The following FAM222B variants were observed in gnomAD, a reference collection of about 807,000 sequenced individuals.
FAM222B encodes the protein family with sequence similarity 222 member B.
In FAM222B, 12 loss-of-function variants were observed where a neutral mutation model predicts 38.0. That is an observed-to-expected ratio of 0.32 (90% CI 0.20 to 0.51). The LOEUF is 0.51. Ranked by LOEUF, FAM222B falls within the 20% of genes least tolerant of loss-of-function variation. The pLI is 0.97. For synonymous variants in FAM222B, 329 were observed against 317.2 expected (o/e 1.04, Z -0.40); for missense variants, 716 against 754.2 (o/e 0.95, Z 0.59).
intron 1 of FAM222B, among the ~76,000 whole-genome samples, chr17:28,783,863 A>G (rs540655097): frequency 5.0e-4 from 76 of 151,906 alleles, no homozygotes; most frequent in African/African-American, 1.6e-3. Flanking sequence ...CAGTGGCACA[A>G]TCTCGGCTCA....
intron 1 of FAM222B, among the ~76,000 whole-genome samples, chr17:28,784,921 T>C (rs1394064752): frequency 6.6e-6 from 1 of 152,052 alleles, no homozygotes; most frequent in African/African-American, 2.4e-5. Flanking sequence ...CAGCTATTTT[T>C]TTTTTTTTCC....
At chr17:28,796,477 T>A (rs2036943191) in intron 1 of FAM222B, among the ~76,000 whole-genome samples, 1 of 151,966 alleles carries the variant, frequency 6.6e-6, no homozygotes. Context: ...AGGCTGAGAG[T>A]TACTGAGAAT....
chr17:28,761,664 A>C (rs2035077661), intron 2 of FAM222B, among the ~76,000 whole-genome samples: 2 of 152,168 alleles, frequency 1.3e-5, no homozygotes, highest in African/African-American at 2.4e-5. Flanking sequence ...GCAGGAAAAG[A>C]AAGCTCAAGT....
chr17:28,821,103 G>A (rs1171066743), intron 1 of FAM222B, among the ~76,000 whole-genome samples: 5 of 151,280 alleles, frequency 3.3e-5, no homozygotes, highest in African/African-American at 9.7e-5. Flanking sequence ...CTACAGGCAC[G>A]CGCCACCACA....
intron 1 of FAM222B, among the ~76,000 whole-genome samples, chr17:28,831,942 C>A (rs2038682096): frequency 6.6e-6 from 1 of 152,178 alleles, no homozygotes. Flanking sequence ...GTAATCCCAG[C>A]ACTTTGGGAG....
In FAM222B at chr17:28,757,680, G is replaced by C. The variant is rs1470047587; in HGVS notation, c.*590C>G. 6.6e-6 allele frequency: 1 copy of C among 152,186 alleles called. No individual in the cohort carries two copies. Among genetic ancestry groups the C allele is most frequent in the Non-Finnish European group, 1.5e-5 (1 of 68,056 alleles). 9.4% of individuals were successfully genotyped at this position (152,186 alleles called of 1,614,324 possible). ...GCCCTTGAGATCAAGTGTGGCAAGG[G>C]CAAGTGCAGTGGCTGTGGGATCAAT... On this transcript the variant is annotated 3_prime_UTR_variant, in exon 3 of 3. Transcript: ENST00000581407.
At chr17:28,826,798 A>G (rs183036341) in intron 1 of FAM222B, among the ~76,000 whole-genome samples, 69 of 152,130 alleles carry the variant, frequency 4.5e-4, no homozygotes, top group African/African-American at 1.5e-3. Context: ...TGCTGAAAAC[A>G]TAGTAGAAAC....
intron 1 of FAM222B, among the ~76,000 whole-genome samples, chr17:28,769,576 C>T (rs570679304): frequency 5.3e-5 from 8 of 152,336 alleles, no homozygotes; most frequent in South Asian, 4.1e-4. Context: ...GGATTACAGA[C>T]GTGAGCCACC....
At chr17:28,845,422 C>CA (rs1311538865), upstream of FAM222B, among the ~76,000 whole-genome samples, 7 of 132,198 alleles carry the variant, frequency 5.3e-5, no homozygotes, top group East Asian at 4.5e-4. Flanking sequence ...TACAAAAATA[C>CA]AAAAAAATTG....
At chr17:28,768,865 G>C (rs1443639511) in intron 1 of FAM222B, among the ~76,000 whole-genome samples, 2 of 145,132 alleles carry the variant, frequency 1.4e-5, no homozygotes, top group Non-Finnish European at 1.5e-5. Context: ...AAAAAAGAGA[G>C]ACTTCTGTTG....
At chr17:28,845,438 G>A (rs1433155635), upstream of FAM222B, among the ~76,000 whole-genome samples, 1 of 151,410 alleles carries the variant, frequency 6.6e-6, no homozygotes, top group African/African-American at 2.4e-5. Context: ...AATTGGCTGG[G>A]CGTGGTGGTG....
At chr17:28,790,243 T>C (rs1320833984) in intron 1 of FAM222B, 1 of 151,362 alleles carries the variant, frequency 6.6e-6, no homozygotes. Context: ...ATTTGTATAG[T>C]TTCTAAGCCC....
chr17:28,807,873 A>C (rs1314630850), intron 1 of FAM222B, among the ~76,000 whole-genome samples: 2 of 152,254 alleles, frequency 1.3e-5, no homozygotes, highest in Admixed American at 1.3e-4. Flanking sequence ...GAACAATTCA[A>C]ATGTCTGGTT....
intron 1 of FAM222B, among the ~76,000 whole-genome samples, chr17:28,786,392 AG>A (rs1400223205): frequency 1.3e-5 from 2 of 152,182 alleles, no homozygotes; most frequent in Non-Finnish European, 2.9e-5. Flanking sequence ...TTATTCCCCC[AG>A]GGGAGAGCTG....
intron 1 of FAM222B, among the ~76,000 whole-genome samples, chr17:28,784,444 T>A (rs79133264): frequency 8.2e-6 from 1 of 122,118 alleles, no homozygotes; most frequent in Non-Finnish European, 1.6e-5. Context: ...CCTGTGAATA[T>A]CCACTGTACT....
rs192747036 is a variant in FAM222B, at chr17:28,851,193, T to C, written c.-41+3757A>G. 2.6e-4 allele frequency among the ~76,000 whole-genome samples: 40 copies of C among 151,960 alleles called. 1 individual carries two copies. Among genetic ancestry groups the C allele is most frequent in the African/African-American group, 9.2e-4 (38 of 41,480 alleles). Reference sequence around the variant, plus strand: ...ACTCACACCTGTAATCTCAGCACTTTGGGAGGTCAAAGCAGATGGCTTACT... The same window carrying C: ...ACTCACACCTGTAATCTCAGCACTTCGGGAGGTCAAAGCAGATGGCTTACT... On this transcript the variant is annotated intron_variant, in intron 1 of 2. Coordinates refer to the FAM222B transcript ENST00000577513.
intron 1 of FAM222B, among the ~76,000 whole-genome samples, chr17:28,823,620 C>A (rs2152590543): frequency 6.6e-6 from 1 of 152,274 alleles, no homozygotes; most frequent in East Asian, 1.9e-4. Flanking sequence ...TGAAACACTT[C>A]TTTACTTGCC....
chr17:28,842,768 T>TCA lies in FAM222B; in HGVS notation c.-129_-128dup, dbSNP rs1448890169. The TCA allele has an allele frequency of 6.5e-6, 1 of 153,262 alleles. No individual in the cohort carries two copies. The highest frequency in any genetic ancestry group is 2.4e-5 in the African/African-American group (1 of 41,314). 9.5% of individuals were successfully genotyped at this position (153,262 alleles called of 1,614,324 possible). The stretch of plus-strand genomic sequence containing the variant: ...ACTTCTCCACTGCCCGGCCCCTCAG[T>TCA]CACCGGCGCAGCTGTGGGGACTACC... On this transcript the variant is annotated 5_prime_UTR_variant, in exon 1 of 3. Transcript: ENST00000581407.
intron 1 of FAM222B, among the ~76,000 whole-genome samples, chr17:28,809,111 T>C (rs2037622940): frequency 6.6e-6 from 1 of 152,054 alleles, no homozygotes; most frequent in South Asian, 2.1e-4. Context: ...CCCAGCACTG[T>C]GGAAGGCCGA....
Sources: allele counts gnomAD v4.1 joint callset (sites outside exome capture counted in the v4.1 genomes callset), GRCh38; gene constraint gnomAD v4.1.1; transcripts MANE v1.5; gene names NCBI Gene and HGNC (gene_info 2026-07-23, HGNC 2026-07-21).